GRAMD1B: variants seen among roughly 807,000 people sequenced by gnomAD.
The protein encoded by GRAMD1B is GRAM domain containing 1B.
A neutral mutation model predicts 99.7 loss-of-function variants in GRAMD1B; 37 were observed. The ratio of observed to expected loss-of-function variants is 0.37; its 90% confidence interval spans 0.29 to 0.49. The LOEUF is 0.49. Among genes scored for constraint, GRAMD1B ranks in the 20% least tolerant of loss-of-function variants. The pLI, the probability that GRAMD1B is intolerant of heterozygous loss-of-function variation, is 0.98. For synonymous variants in GRAMD1B, 427 were observed against 387.6 expected (o/e 1.10, Z -1.19); for missense variants, 888 against 1,009.2 (o/e 0.88, Z 1.63).
At chr11:123,494,279 A>T (rs753579368) in intron 2 of GRAMD1B, among the ~76,000 whole-genome samples, 1 of 152,120 alleles carries the variant, frequency 6.6e-6, no homozygotes, top group Non-Finnish European at 1.5e-5. Flanking sequence ...ACCTTTACAC[A>T]TCTATTAACC....
At chr11:123,370,275 C>T (rs1946479055) in intron 1 of GRAMD1B, among the ~76,000 whole-genome samples, 1 of 151,028 alleles carries the variant, frequency 6.6e-6, no homozygotes. Flanking sequence ...GAGATTGCGC[C>T]ACTGCACTCC....
At chr11:123,442,207 C>T (rs1949441441) in intron 1 of GRAMD1B, among the ~76,000 whole-genome samples, 3 of 152,174 alleles carry the variant, frequency 2.0e-5, no homozygotes, top group African/African-American at 7.2e-5. Flanking sequence ...TAAGATTGCC[C>T]CCACTTCAGA....
intron 19 of GRAMD1B, among the ~76,000 whole-genome samples, chr11:123,622,125 A>G (rs1269415504): frequency 6.6e-6 from 1 of 151,970 alleles, no homozygotes; most frequent in Non-Finnish European, 1.5e-5. Context: ...GGTTCAAGCC[A>G]TCCTCCCACC....
intron 2 of GRAMD1B, among the ~76,000 whole-genome samples, chr11:123,482,678 G>C (rs1025923242): frequency 6.6e-6 from 1 of 152,148 alleles, no homozygotes; most frequent in Admixed American, 6.5e-5. Context: ...ACCATATTTC[G>C]TGTATTATTC....
At chr11:123,605,538 AG>A in intron 10 of GRAMD1B, 60 bp downstream of exon 10, 1 of 1,385,568 alleles carries the variant, frequency 7.2e-7, no homozygotes, top group South Asian at 1.4e-5. Flanking sequence ...TTCCTAGCAT[AG>A]TTCACTGGGA....
intron 2 of GRAMD1B, among the ~76,000 whole-genome samples, chr11:123,500,028 T>C (rs968970659): frequency 1.3e-5 from 2 of 152,172 alleles, no homozygotes; most frequent in African/African-American, 2.4e-5. Context: ...GAGTTATCCT[T>C]GTAAATAAGG....
At chr11:123,410,319 G>A (rs1461949382) in intron 1 of GRAMD1B, among the ~76,000 whole-genome samples, 2 of 152,080 alleles carry the variant, frequency 1.3e-5, no homozygotes, top group African/African-American at 4.8e-5. Context: ...AGAAGAGAGA[G>A]AAAGAAACAG....
intron 2 of GRAMD1B, among the ~76,000 whole-genome samples, chr11:123,487,668 A>G (rs1270357865): frequency 2.6e-5 from 4 of 152,158 alleles, no homozygotes; most frequent in Non-Finnish European, 5.9e-5. Flanking sequence ...ACAGTGATGC[A>G]ATCTCGGCTC....
chr11:123,453,387 G>C (rs1949975627), intron 1 of GRAMD1B, among the ~76,000 whole-genome samples: 1 of 152,000 alleles, frequency 6.6e-6, no homozygotes, highest in Non-Finnish European at 1.5e-5. Flanking sequence ...TGCAATCCTG[G>C]CTCACTGCAC....
intron 1 of GRAMD1B, chr11:123,432,266 G>GA: frequency 2.6e-6 from 1 of 385,614 alleles, no homozygotes; most frequent in East Asian, 3.7e-5. Flanking sequence ...GCTTGTATAA[G>GA]AAATGAACAC....
Position 123,470,980 on chromosome 11 carries a change from C to CT in GRAMD1B, c.375-9835dup, listed in dbSNP as rs796147238. Among the ~76,000 whole-genome samples the CT allele has an allele frequency of 1.6e-3, 242 of 152,294 alleles. 2 individuals are homozygous for CT. Among genetic ancestry groups the CT allele is most frequent in the African/African-American group, 5.5e-3 (229 of 41,560 alleles). On this transcript the variant is annotated intron_variant, in intron 1 of 19. Transcript: ENST00000635736. ...TTGAGTACTTGAAATACTGGTGTGA[C>CT]TAAGGAACTGCATTTTTAATTAATT...
intron 1 of GRAMD1B, among the ~76,000 whole-genome samples, chr11:123,359,490 A>G (rs934787274): frequency 5.9e-5 from 9 of 152,154 alleles, no homozygotes; most frequent in Middle Eastern, 3.4e-3. Flanking sequence ...TTAGAGCCCA[A>G]ACAACTTGTT....
intron 2 of GRAMD1B, among the ~76,000 whole-genome samples, chr11:123,500,080 C>T (rs1050088757): frequency 6.6e-6 from 1 of 152,208 alleles, no homozygotes; most frequent in Non-Finnish European, 1.5e-5. Flanking sequence ...GTAATCCCAG[C>T]ACTTTGGGAG....
At chr11:123,565,434 C>T (rs1024260534) in intron 2 of GRAMD1B, among the ~76,000 whole-genome samples, 1 of 152,206 alleles carries the variant, frequency 6.6e-6, no homozygotes, top group African/African-American at 2.4e-5. Flanking sequence ...TGTTGCTGTC[C>T]TATTGGGCCC....
intron 1 of GRAMD1B, among the ~76,000 whole-genome samples, chr11:123,464,641 A>T (rs1950580951): frequency 6.6e-6 from 1 of 152,310 alleles, no homozygotes; most frequent in Non-Finnish European, 1.5e-5. Context: ...TCCAGGATCA[A>T]TGAGGGAATG....
intron 1 of GRAMD1B, among the ~76,000 whole-genome samples, chr11:123,448,063 C>T (rs557254309): frequency 1.3e-5 from 2 of 152,062 alleles, no homozygotes; most frequent in African/African-American, 2.4e-5. Flanking sequence ...GAGACAGGGT[C>T]TTGCTATGTT....
chr11:123,599,160 T>C (rs2136675959), intron 7 of GRAMD1B: 1 of 785,810 alleles, frequency 1.3e-6, no homozygotes, highest in South Asian at 1.3e-5. Flanking sequence ...CTCATTTGGG[T>C]GCTTCCGGTG....
chr11:123,577,605 C>T (rs1254261449), intron 3 of GRAMD1B, 28 bp downstream of exon 3: 2 of 1,529,118 alleles, frequency 1.3e-6, no homozygotes, highest in Admixed American at 3.8e-5. Flanking sequence ...GAGGCGGTAC[C>T]TCCTTGTCAG....
At chr11:123,448,991 A>G (rs977172033) in intron 1 of GRAMD1B, among the ~76,000 whole-genome samples, 3 of 152,210 alleles carry the variant, frequency 2.0e-5, no homozygotes, top group African/African-American at 7.2e-5. Context: ...GCCTCCAGCC[A>G]GTCTGACCTT....
Sources: gnomAD v4.1 joint callset for allele counts (sites outside exome capture counted in the v4.1 genomes callset) on GRCh38, gnomAD v4.1.1 for gene constraint, MANE v1.5 for transcripts, NCBI Gene and HGNC (gene_info 2026-07-23, HGNC 2026-07-21) for gene names.